CPQ: variants seen among roughly 807,000 people sequenced by gnomAD.
CPQ encodes Ser-Met dipeptidase.
Under a neutral mutation model 45.7 loss-of-function variants are expected in CPQ, and 37 were observed. That is an observed-to-expected ratio of 0.81 (90% CI 0.62 to 1.07). CPQ has a LOEUF of 1.07. Among genes scored for constraint, CPQ ranks in the 50% least tolerant of loss-of-function variants. The pLI is 0.00. For missense variants in CPQ, 537 were observed against 572.9 expected (o/e 0.94, Z 0.64); for synonymous variants, 186 against 205.8 (o/e 0.90, Z 0.82).
chr8:96,838,223 A>G (rs1282919327), intron 3 of CPQ, among the ~76,000 whole-genome samples: 1 of 152,156 alleles, frequency 6.6e-6, no homozygotes, highest in African/African-American at 2.4e-5. Context: ...GGTAGAGTAG[A>G]CTAACTGTTG....
At chr8:96,914,388 C>T (rs1812705411) in intron 4 of CPQ, among the ~76,000 whole-genome samples, 1 of 152,086 alleles carries the variant, frequency 6.6e-6, no homozygotes, top group Admixed American at 6.6e-5. Flanking sequence ...TACAGAGCTC[C>T]AGGAATCCTT....
chr8:96,830,866 C>T (rs4735439), intron 2 of CPQ, among the ~76,000 whole-genome samples: 1 of 151,862 alleles, frequency 6.6e-6, no homozygotes, highest in Non-Finnish European at 1.5e-5. Context: ...AAATGCCAAG[C>T]TTTTCTTTTG....
In CPQ at chr8:97,116,220, T is replaced by G. The variant is rs147133071; in HGVS notation, c.1256-26800T>G. Among the ~76,000 whole-genome samples, 126 of 151,874 alleles carry G rather than the reference T, an allele frequency of 8.3e-4. 1 individual carries two copies. The highest frequency in any genetic ancestry group is 1.4e-3 in the Non-Finnish European group (97 of 67,952). ...TACAGGTTATTGGTGGCCTGGGAGG[T>G]AGTGAAGAGGGGCTAGGCATATCCC... is the stretch of plus-strand genomic sequence containing the variant. On this transcript the variant is annotated intron_variant, in intron 7 of 7. Coordinates refer to ENST00000220763, the MANE Select transcript of CPQ (RefSeq NM_016134.4).
At chr8:97,100,253 G>C (rs1800370703) in intron 7 of CPQ, among the ~76,000 whole-genome samples, 1 of 152,174 alleles carries the variant, frequency 6.6e-6, no homozygotes, top group Non-Finnish European at 1.5e-5. Context: ...CAACAGCATA[G>C]AGCAATATAT....
intron 4 of CPQ, among the ~76,000 whole-genome samples, chr8:96,901,457 C>A (rs1301106217): frequency 2.6e-5 from 4 of 152,140 alleles, no homozygotes; most frequent in African/African-American, 9.7e-5. Context: ...TGAAACCATT[C>A]CAATTTGTTT....
At chr8:96,735,674 A>G (rs1329176022) in intron 1 of CPQ, among the ~76,000 whole-genome samples, 4 of 152,186 alleles carry the variant, frequency 2.6e-5, no homozygotes, top group Non-Finnish European at 5.9e-5. Flanking sequence ...GGGTCATAAC[A>G]TATGCCATAA....
At chr8:97,074,275 A>T (rs1056687917) in intron 7 of CPQ, among the ~76,000 whole-genome samples, 1 of 152,254 alleles carries the variant, frequency 6.6e-6, no homozygotes, top group African/African-American at 2.4e-5. Context: ...ATTACTTGGC[A>T]TATAAAATGT....
chr8:96,955,059 C>CATCT (rs1813334127), intron 4 of CPQ, among the ~76,000 whole-genome samples: 1 of 152,126 alleles, frequency 6.6e-6, no homozygotes, highest in South Asian at 2.1e-4. Context: ...AATAAACATA[C>CATCT]ATCTACATGT....
At chr8:97,107,422 A>C (rs897993931) in intron 7 of CPQ, among the ~76,000 whole-genome samples, 1 of 152,238 alleles carries the variant, frequency 6.6e-6, no homozygotes, top group African/African-American at 2.4e-5. Flanking sequence ...AGGGGCCTGC[A>C]TGCCCTGGCC....
At chr8:96,884,598 C>T (rs188575103) in intron 4 of CPQ, among the ~76,000 whole-genome samples, 50 of 152,000 alleles carry the variant, frequency 3.3e-4, no homozygotes, top group Non-Finnish European at 1.2e-4. Flanking sequence ...TATATGGTAC[C>T]ATTCATAAAT....
chr8:96,745,023 C>T (rs866307872), intron 1 of CPQ, among the ~76,000 whole-genome samples: 2 of 152,232 alleles, frequency 1.3e-5, no homozygotes, highest in Middle Eastern at 3.4e-3. Flanking sequence ...TAAAAGGATA[C>T]AGGAGGCTGG....
intron 5 of CPQ, among the ~76,000 whole-genome samples, chr8:96,993,919 C>T (rs1031056299): frequency 6.6e-6 from 1 of 152,062 alleles, no homozygotes; most frequent in Non-Finnish European, 1.5e-5. Context: ...ATTGTTCTCC[C>T]GTTCTCTCTT....
intron 1 of CPQ, among the ~76,000 whole-genome samples, chr8:96,684,188 C>T (rs1326879819): frequency 6.6e-6 from 1 of 152,176 alleles, no homozygotes; most frequent in Non-Finnish European, 1.5e-5. Context: ...CATTGGCTTT[C>T]ATGGAGAAAG....
intron 4 of CPQ, among the ~76,000 whole-genome samples, chr8:96,891,491 C>G (rs2130889673): frequency 6.6e-6 from 1 of 152,288 alleles, no homozygotes; most frequent in Non-Finnish European, 1.5e-5. Flanking sequence ...TAACCTCCAT[C>G]TCTGCCACCA....
At chr8:96,756,205 A>G (rs1412000620) in intron 1 of CPQ, among the ~76,000 whole-genome samples, 1 of 152,006 alleles carries the variant, frequency 6.6e-6, no homozygotes, top group African/African-American at 2.4e-5. Context: ...TTTTTCTTAG[A>G]TGAATAACTT....
At chr8:96,738,168 C>T (rs1457330907) in intron 1 of CPQ, among the ~76,000 whole-genome samples, 1 of 152,120 alleles carries the variant, frequency 6.6e-6, no homozygotes, top group East Asian at 1.9e-4. Context: ...ACCGTGTGTG[C>T]TTGAAAAGAA....
chr8:96,708,705 G>A (rs900519470), intron 1 of CPQ, among the ~76,000 whole-genome samples: 1 of 152,000 alleles, frequency 6.6e-6, no homozygotes, highest in Admixed American at 6.6e-5. Flanking sequence ...TATAGCTATG[G>A]TTGTTCTAGA....
chr8:96,929,627 C>T (rs1290705212), intron 4 of CPQ, among the ~76,000 whole-genome samples: 2 of 152,178 alleles, frequency 1.3e-5, no homozygotes, highest in Non-Finnish European at 1.5e-5. Flanking sequence ...TTCTGACTGT[C>T]TCTCTGAAAC....
At chr8:96,718,281 C>G (rs1809710996) in intron 1 of CPQ, among the ~76,000 whole-genome samples, 1 of 152,192 alleles carries the variant, frequency 6.6e-6, no homozygotes, top group Admixed American at 6.5e-5. Context: ...AAGAATGAAG[C>G]CGCGGACCCT....
Sources: gnomAD v4.1 joint callset for allele counts (sites outside exome capture counted in the v4.1 genomes callset) on GRCh38, gnomAD v4.1.1 for gene constraint, MANE v1.5 for transcripts, NCBI Gene and HGNC (gene_info 2026-07-23, HGNC 2026-07-21) for gene names.